Variants in CNGA3 observed in about 807,000 individuals in gnomAD.
The protein encoded by CNGA3 is cyclic nucleotide-gated channel alpha-3.
A neutral mutation model predicts 46.6 loss-of-function variants in CNGA3; 42 were observed. That is an observed-to-expected ratio of 0.90 (90% CI 0.70 to 1.17). The LOEUF (loss-of-function observed/expected upper bound fraction) is 1.17, where lower values mean the gene tolerates loss of function less well. CNGA3 is among the 50% of genes most tolerant of loss of function. The pLI is 0.00. For missense variants in CNGA3, 893 were observed against 890.7 expected (o/e 1.00, Z -0.03); for synonymous variants, 394 against 369.4 (o/e 1.07, Z -0.76).
At chr2:98,392,545 A>G (rs1239298275) in intron 7 of CNGA3, among the ~76,000 whole-genome samples, 1 of 151,912 alleles carries the variant, frequency 6.6e-6, no homozygotes, top group Non-Finnish European at 1.5e-5. Context: ...TGGGTGACAT[A>G]GCAACATTCT....
intron 1 of CNGA3, among the ~76,000 whole-genome samples, chr2:98,367,176 C>CCTTTTTTTT (rs1369254057): frequency 1.7e-5 from 2 of 115,528 alleles, no homozygotes; most frequent in Non-Finnish European, 3.6e-5. Context: ...TGTTTTTTTT[C>CCTTTTTTTT]TTTTTTTTCT....
chr2:98,394,299 A>C (rs1692859766), intron 7 of CNGA3, among the ~76,000 whole-genome samples: 1 of 152,096 alleles, frequency 6.6e-6, no homozygotes. Context: ...CCATCTCCAG[A>C]CCAGTCAGAT....
intron 2 of CNGA3, 119 bp downstream of exon 2, chr2:98,370,195 G>A (rs1692255257): frequency 2.5e-6 from 2 of 810,624 alleles, no homozygotes; most frequent in East Asian, 2.7e-5. Flanking sequence ...AGAGGGCAGG[G>A]GAGGTATTCA....
At position 98,389,676 on chromosome 2, in the gene CNGA3, G is replaced by C. The variant is rs1473389616; in HGVS notation, c.468G>C (p.Lys156Asn). 1 of 1,613,976 alleles carries C rather than the reference G, an allele frequency of 6.2e-7. No individual in the cohort carries two copies. The highest frequency in any genetic ancestry group is 2.2e-5 in the East Asian group (1 of 44,876). ...TTTCCAGGAAGAAGACGAAAAAGAA[G>C]GATGCGATCGTGGTGGACCCGTCCA... ...NTEEEKKTKK[K>N]DAIVVDPSSN... Residue 156 changes from lysine to asparagine, a missense_variant, in exon 6 of 8, where the codon AAG becomes AAC. Around this residue, in one of 3 missense-constraint regions of CNGA3, gnomAD observed 333 missense variants for 290.8 expected, o/e 1.15. Coordinates refer to ENST00000272602, the MANE Select transcript of CNGA3 (RefSeq NM_001298.3).
chr2:98,374,173 C>T (rs1229050294), intron 2 of CNGA3, among the ~76,000 whole-genome samples: 1 of 152,214 alleles, frequency 6.6e-6, no homozygotes, highest in Admixed American at 6.5e-5. Flanking sequence ...TTTCCAGTTC[C>T]AGTTCTCATG....
chr2:98,350,136 C>T (rs1036031780), intron 1 of CNGA3, among the ~76,000 whole-genome samples: 2 of 152,206 alleles, frequency 1.3e-5, no homozygotes, highest in Admixed American at 6.5e-5. Flanking sequence ...GTTAAACCGG[C>T]TTCTGCCCCC....
chr2:98,351,979 A>C (rs1206197847), intron 1 of CNGA3, among the ~76,000 whole-genome samples: 1 of 152,176 alleles, frequency 6.6e-6, no homozygotes, highest in African/African-American at 2.4e-5. Flanking sequence ...CACTGTCAAA[A>C]GGGACCCCGT....
intron 1 of CNGA3, among the ~76,000 whole-genome samples, chr2:98,365,914 G>A (rs550078260): frequency 3.3e-5 from 5 of 152,192 alleles, no homozygotes; most frequent in East Asian, 3.9e-4. Flanking sequence ...AATCCATCTC[G>A]GCCTCAGCCC....
rs1692938573 is a variant in CNGA3 at position 98,397,071 on chromosome 2, G to A, written c.1901G>A (p.Gly634Glu). 4 of 1,614,124 alleles carry A rather than the reference G, an allele frequency of 2.5e-6. No homozygotes were observed. Among genetic ancestry groups the A allele is most frequent in the Non-Finnish European group, 3.4e-6 (4 of 1,180,018 alleles). The change falls in exon 8 of 8, where the codon GGG becomes GAG. Residue 634 changes from glycine to glutamate, a missense_variant. By Grantham distance (98) the Gly-to-Glu change is moderately conservative (BLOSUM62 -2). Transcript: ENST00000272602. ...KDLEEKVEQL[G>E]SSLDTLQTRF... is the part of the protein sequence containing the mutation. ...CTTGAGGAGAAAGTGGAGCAGCTGGGGTCCTCCCTGGACACCCTGCAGACC... is the reference window on the plus strand; with the variant it reads ...CTTGAGGAGAAAGTGGAGCAGCTGGAGTCCTCCCTGGACACCCTGCAGACC...
intron 2 of CNGA3, among the ~76,000 whole-genome samples, chr2:98,377,076 T>C (rs1351377705): frequency 6.6e-6 from 1 of 152,166 alleles, no homozygotes; most frequent in African/African-American, 2.4e-5. Context: ...TGGAGTCTCA[T>C]TTGAAAGCAC....
At chr2:98,385,412 T>A (rs147625606) in intron 5 of CNGA3, among the ~76,000 whole-genome samples, 16 of 152,346 alleles carry the variant, frequency 1.1e-4, no homozygotes, top group African/African-American at 3.8e-4. Context: ...ATACTCTTGC[T>A]GAAAACTTGG....
intron 5 of CNGA3, among the ~76,000 whole-genome samples, chr2:98,386,492 T>C (rs1692658191): frequency 6.6e-6 from 1 of 152,252 alleles, no homozygotes; most frequent in South Asian, 2.1e-4. Flanking sequence ...CCACGTAAGA[T>C]GTGACTTTGC....
At chr2:98,359,936 G>T (rs1373072118) in intron 1 of CNGA3, among the ~76,000 whole-genome samples, 1 of 152,260 alleles carries the variant, frequency 6.6e-6, no homozygotes, top group Non-Finnish European at 1.5e-5. Context: ...TGGAGCAGGG[G>T]CAGGGTTCCC....
intron 2 of CNGA3, among the ~76,000 whole-genome samples, chr2:98,373,835 C>T (rs752535138): frequency 6.6e-6 from 1 of 152,170 alleles, no homozygotes; most frequent in Non-Finnish European, 1.5e-5. Flanking sequence ...TTTGAATGAG[C>T]TTTGGGGCAC....
chr2:98,390,261 G>C (rs1203666090), intron 6 of CNGA3, among the ~76,000 whole-genome samples: 1 of 151,734 alleles, frequency 6.6e-6, no homozygotes, highest in East Asian at 1.9e-4. Context: ...TCAGCCACCC[G>C]AGTAGCTGTG....
At chr2:98,355,645 T>G (rs969445333) in intron 1 of CNGA3, among the ~76,000 whole-genome samples, 1 of 152,254 alleles carries the variant, frequency 6.6e-6, no homozygotes, top group Non-Finnish European at 1.5e-5. Context: ...TTGACTATCA[T>G]GGCCAAAATT....
chr2:98,375,546 T>G (rs1692385759), intron 2 of CNGA3, among the ~76,000 whole-genome samples: 1 of 152,250 alleles, frequency 6.6e-6, no homozygotes, highest in Admixed American at 6.5e-5. Context: ...GGCAAGGGAA[T>G]TGTAGCTTCT....
At chr2:98,366,315 C>A (rs543042392) in intron 1 of CNGA3, among the ~76,000 whole-genome samples, 2 of 152,210 alleles carry the variant, frequency 1.3e-5, no homozygotes, top group African/African-American at 4.8e-5. Flanking sequence ...CTGATGCCGG[C>A]AAGAACGTGC....
Position 98,346,523 on chromosome 2 carries a change from A to T in CNGA3, c.-49A>T, listed in dbSNP as rs779862595. On this transcript the variant is annotated 5_prime_UTR_variant, in exon 1 of 8. Coordinates refer to ENST00000272602, the MANE Select transcript of CNGA3 (RefSeq NM_001298.3). ...CCCTGGCGCGCCGCGGAGAAGCTCA[A>T]ACTTTGGCAGGGTAAGGATTTTTAG... 37 of 398,144 alleles carry T rather than the reference A, an allele frequency of 9.3e-5. No individual in the cohort carries two copies. Among genetic ancestry groups the T allele is most frequent in the Admixed American group, 2.2e-4 (5 of 22,700 alleles). The allele number at this position is 398,144 out of a possible 1,614,324, so 24.7% of individuals were successfully genotyped here.
Sources: allele counts gnomAD v4.1 joint callset (sites outside exome capture counted in the v4.1 genomes callset), GRCh38; gene constraint gnomAD v4.1.1; regional missense constraint gnomAD v4.1.1; transcripts MANE v1.5; gene names NCBI Gene and HGNC (gene_info 2026-07-23, HGNC 2026-07-21).